The following KIAA0825 variants were observed in gnomAD, a reference collection of about 807,000 sequenced individuals.
KIAA0825 encodes uncharacterized protein KIAA0825.
In KIAA0825, 119 loss-of-function variants were observed where a neutral mutation model predicts 147.6. That is an observed-to-expected ratio of 0.81 (90% CI 0.69 to 0.94). The LOEUF (loss-of-function observed/expected upper bound fraction) is 0.94, where lower values mean the gene tolerates loss of function less well. KIAA0825 is among the 40% of genes least tolerant of loss of function. The probability of loss-of-function intolerance (pLI) is 0.00; values close to 1 mark genes in which losing one functional copy is unlikely to be tolerated. For synonymous variants in KIAA0825, 470 were observed against 518.1 expected, an observed-to-expected ratio of 0.91 and a Z score of 1.26; for missense variants, 1,381 against 1,472.7, an observed-to-expected ratio of 0.94 and a Z score of 1.02.
At chr5:94,366,820 C>T (rs890536624) in intron 20 of KIAA0825, among the ~76,000 whole-genome samples, 11 of 152,188 alleles carry the variant, frequency 7.2e-5, no homozygotes, top group Non-Finnish European at 1.0e-4. Context: ...AGTTTTTCCA[C>T]GACAGTACCC....
At chr5:94,268,701 A>G (rs1350763064) in intron 20 of KIAA0825, among the ~76,000 whole-genome samples, 2 of 152,204 alleles carry the variant, frequency 1.3e-5, no homozygotes, top group Non-Finnish European at 2.9e-5. Flanking sequence ...ACAGATAGAC[A>G]TCAGGAGCCC....
chr5:94,186,000 G>A (rs1447685767), intron 20 of KIAA0825, among the ~76,000 whole-genome samples: 1 of 152,036 alleles, frequency 6.6e-6, no homozygotes, highest in Non-Finnish European at 1.5e-5. Context: ...AAACCATTGA[G>A]GTCATTTTCA....
rs1400794118 is a variant in KIAA0825 at position 94,484,913 on chromosome 5, G to GT, written c.987dup (p.Gln330ThrfsTer35). On this transcript the variant is annotated frameshift_variant, in exon 6 of 21. Coordinates refer to ENST00000682413, the MANE Select transcript of KIAA0825 (RefSeq NM_001145678.3). LOFTEE classifies it high-confidence loss of function. ...GGGAGAGAGAAGTTTCTTCCTTTCT[G>GT]TGGGCATTCAGTAGTAACTGTGAAA... 1 of 1,513,446 alleles carries GT rather than the reference G, an allele frequency of 6.6e-7. No homozygotes were observed. The highest frequency in any genetic ancestry group is 2.0e-5 in the Admixed American group (1 of 49,122). 93.8% of individuals were successfully genotyped at this position (1,513,446 alleles called of 1,614,324 possible). A position where few individuals can be genotyped will look rare whatever the true frequency, so the allele number is the denominator to read the frequency against.
chr5:94,468,718 C>T (rs1272581880), intron 10 of KIAA0825, among the ~76,000 whole-genome samples: 8 of 150,522 alleles, frequency 5.3e-5, no homozygotes, highest in African/African-American at 1.7e-4. Flanking sequence ...GATAATAACT[C>T]GGGCATAAAT....
chr5:94,564,987 TC>T (rs1778364249), intron 2 of KIAA0825, among the ~76,000 whole-genome samples: 1 of 143,608 alleles, frequency 7.0e-6, no homozygotes, highest in Admixed American at 6.9e-5. Flanking sequence ...TCTTCTCTTC[TC>T]TTCTCCTCTC....
chr5:94,197,315 T>C (rs1036850661), intron 20 of KIAA0825, among the ~76,000 whole-genome samples: 2 of 152,144 alleles, frequency 1.3e-5, no homozygotes, highest in Admixed American at 1.3e-4. Context: ...CTAATGGGAT[T>C]GTTTGTTTTT....
At chr5:94,382,279 GTAT>G (rs1482732157) in intron 20 of KIAA0825, among the ~76,000 whole-genome samples, 1 of 152,098 alleles carries the variant, frequency 6.6e-6, no homozygotes, top group Non-Finnish European at 1.5e-5. Flanking sequence ...TAATTTTCAA[GTAT>G]GTATCTTTCA....
chr5:94,589,681 CT>C (rs1783989498), intron 1 of KIAA0825, among the ~76,000 whole-genome samples: 2 of 151,950 alleles, frequency 1.3e-5, no homozygotes, highest in Non-Finnish European at 2.9e-5. Flanking sequence ...AAACTTTTCC[CT>C]TTTTTGTATA....
At chr5:94,548,845 T>C (rs1244608965) in intron 2 of KIAA0825, among the ~76,000 whole-genome samples, 1 of 152,188 alleles carries the variant, frequency 6.6e-6, no homozygotes, top group East Asian at 1.9e-4. Flanking sequence ...GGTCATTATA[T>C]TATGATAAAG....
chr5:94,386,679 G>T lies in KIAA0825; in HGVS notation c.3457-275C>A, dbSNP rs554921387. On this transcript the variant is annotated intron_variant, in intron 18 of 20. Transcript: ENST00000682413. ...AATGAATATATGTTTGATATATCAG[G>T]ACCTTTTTAACAGGCATTGTCTTGT... Among the ~76,000 whole-genome samples the T allele has an allele frequency of 7.9e-5, 12 of 152,150 alleles. No homozygotes were observed. In the East Asian group the frequency reaches 2.3e-3, roughly 29 times the overall value.
chr5:94,528,728 T>C (rs1187746138), intron 3 of KIAA0825, among the ~76,000 whole-genome samples: 1 of 151,810 alleles, frequency 6.6e-6, no homozygotes, highest in Non-Finnish European at 1.5e-5. Flanking sequence ...AGAAACATTC[T>C]ATAGGGCTAG....
At chr5:94,403,104 G>C (rs1489763476) in intron 16 of KIAA0825, among the ~76,000 whole-genome samples, 1 of 152,018 alleles carries the variant, frequency 6.6e-6, no homozygotes, top group Admixed American at 6.6e-5. Flanking sequence ...TTACCAAACT[G>C]GGTGCTATTT....
chr5:94,303,686 G>A (rs1050181395), intron 20 of KIAA0825, among the ~76,000 whole-genome samples: 1 of 152,088 alleles, frequency 6.6e-6, no homozygotes, highest in Admixed American at 6.6e-5. Context: ...CATTCCCACA[G>A]TCCTTTCCAC....
chr5:94,253,520 C>G (rs1273926099), intron 20 of KIAA0825, among the ~76,000 whole-genome samples: 2 of 152,044 alleles, frequency 1.3e-5, no homozygotes, highest in Non-Finnish European at 2.9e-5. Flanking sequence ...GAGCTAATTT[C>G]CAGTATTTTA....
intron 2 of KIAA0825, among the ~76,000 whole-genome samples, chr5:94,565,095 CTTT>C (rs1176429699): frequency 1.9e-4 from 10 of 52,922 alleles, no homozygotes; most frequent in African/African-American, 4.7e-4. Flanking sequence ...TCTTGCTTTC[CTTT>C]TTTTTTTTTT....
intron 5 of KIAA0825, among the ~76,000 whole-genome samples, chr5:94,511,947 C>T (rs1325742264): frequency 6.6e-6 from 1 of 151,630 alleles, no homozygotes; most frequent in Non-Finnish European, 1.5e-5. Context: ...TGAGATTGCA[C>T]CACTGCACTC....
At chr5:94,367,674 C>T (rs1471811529) in intron 20 of KIAA0825, among the ~76,000 whole-genome samples, 1 of 152,162 alleles carries the variant, frequency 6.6e-6, no homozygotes. Context: ...TTTGATGCTA[C>T]AGACAATGTG....
chr5:94,532,822 G>T, intron 3 of KIAA0825, among the ~76,000 whole-genome samples: 1 of 131,870 alleles, frequency 7.6e-6, no homozygotes, highest in East Asian at 2.2e-4. Flanking sequence ...TCTTTCTTTA[G>T]ATTAAAAAAA....
chr5:94,503,504 G>A (rs1398278160), intron 5 of KIAA0825, among the ~76,000 whole-genome samples: 1 of 152,064 alleles, frequency 6.6e-6, no homozygotes, highest in African/African-American at 2.4e-5. Context: ...CACAGAACTT[G>A]GCTGTCTTCT....
Sources: allele counts gnomAD v4.1 joint callset (sites outside exome capture counted in the v4.1 genomes callset), GRCh38; gene constraint gnomAD v4.1.1; transcripts MANE v1.5; gene names NCBI Gene and HGNC (gene_info 2026-07-23, HGNC 2026-07-21).